The following FRMPD4 variants were observed in gnomAD, a reference collection of about 807,000 sequenced individuals.
FRMPD4 encodes FERM and PDZ domain containing 4.
A neutral mutation model predicts 94.1 loss-of-function variants in FRMPD4; 22 were observed. That is an observed-to-expected ratio of 0.23 (90% confidence interval 0.17 to 0.33). The LOEUF is 0.33. Among genes scored for constraint, FRMPD4 ranks in the 10% least tolerant of loss-of-function variants. The pLI is 1.00. For synonymous variants in FRMPD4, 631 were observed against 548.6 expected (o/e 1.15, Z -2.10); for missense variants, 1,111 against 1,339.9 (o/e 0.83, Z 2.67).
At chrX:12,522,594 C>CTT (rs373581040) in intron 2 of FRMPD4, among the ~76,000 whole-genome samples, 2,005 of 74,445 alleles carry the variant, frequency 0.027, 206 homozygotes, top group African/African-American at 0.099. Flanking sequence ...TTTTCTTTTC[C>CTT]TTTTTTTTTT....
At chrX:12,572,014 CA>C (rs1269019877) in intron 2 of FRMPD4, among the ~76,000 whole-genome samples, 1 of 112,039 alleles carries the variant, frequency 8.9e-6, no homozygotes, top group Non-Finnish European at 1.9e-5. Context: ...ATTTCTGAAG[CA>C]ATTTGCCTTC....
At chrX:12,013,870 A>G (rs1046576119) in intron 3 of FRMPD4, among the ~76,000 whole-genome samples, 8 of 113,317 alleles carry the variant, frequency 7.1e-5, no homozygotes, top group African/African-American at 2.2e-4. Flanking sequence ...TATATTCTTT[A>G]AGCCCATTAT....
intron 1 of FRMPD4, among the ~76,000 whole-genome samples, chrX:12,164,467 T>G (rs1265731411): frequency 8.9e-6 from 1 of 112,472 alleles, no homozygotes; most frequent in Non-Finnish European, 1.9e-5. Flanking sequence ...TTTGGGTTGG[T>G]TCCAAGTCTT....
chrX:12,239,404 T>G (rs2057104680), intron 1 of FRMPD4, among the ~76,000 whole-genome samples: 1 of 112,873 alleles, frequency 8.9e-6, no homozygotes, highest in Admixed American at 9.4e-5. Context: ...CTGAAGCAGT[T>G]TGTATGGTAT....
At chrX:11,900,063 G>A (rs1356264038) in intron 3 of FRMPD4, among the ~76,000 whole-genome samples, 3 of 111,967 alleles carry the variant, frequency 2.7e-5, no homozygotes, top group African/African-American at 9.8e-5. Flanking sequence ...TACTTGGATT[G>A]GTGGAGTTAT....
intron 1 of FRMPD4, among the ~76,000 whole-genome samples, chrX:12,170,443 A>G (rs929468300): frequency 9.0e-6 from 1 of 111,318 alleles, no homozygotes; most frequent in African/African-American, 3.3e-5. Flanking sequence ...TGCCCTGCAG[A>G]TGAGGAATGG....
chrX:12,046,866 C>T (rs909238597), intron 3 of FRMPD4, among the ~76,000 whole-genome samples: 1 of 111,096 alleles, frequency 9.0e-6, no homozygotes, highest in Non-Finnish European at 1.9e-5. Context: ...TGAACTTGAC[C>T]TTCAGTCTCT....
At chrX:12,455,920 G>A (rs762957491) in intron 1 of FRMPD4, among the ~76,000 whole-genome samples, 68 of 111,534 alleles carry the variant, frequency 6.1e-4, no homozygotes, top group African/African-American at 2.2e-3. Flanking sequence ...TCAGCCTCCC[G>A]AGTAGCTGGG....
chrX:12,231,030 GTATATATATATATATATAAAATATATA>G (rs1167630432), intron 1 of FRMPD4, among the ~76,000 whole-genome samples: 2 of 26,410 alleles, frequency 7.6e-5, no homozygotes, highest in Admixed American at 1.0e-3. Context: ...TATATATATA[GTATATATATATATATATAAAATATATA>G]TATATATATA....
At chrX:12,077,505 G>A (rs1601921826) in intron 3 of FRMPD4, among the ~76,000 whole-genome samples, 1 of 111,455 alleles carries the variant, frequency 9.0e-6, no homozygotes, top group South Asian at 3.8e-4. Flanking sequence ...TGAAACTCGT[G>A]CACCAGGGGT....
chrX:12,554,052 A>G (rs2058569298), intron 2 of FRMPD4, among the ~76,000 whole-genome samples: 2 of 83,974 alleles, frequency 2.4e-5, no homozygotes, highest in African/African-American at 8.1e-5. Context: ...CCCATTTTGT[A>G]TCCAGCCTAT....
At chrX:12,181,514 G>A (rs1276493164) in intron 1 of FRMPD4, among the ~76,000 whole-genome samples, 1 of 111,698 alleles carries the variant, frequency 9.0e-6, no homozygotes, top group Non-Finnish European at 1.9e-5. Flanking sequence ...TGCATGTAGA[G>A]AAATCCCAAC....
intron 2 of FRMPD4, among the ~76,000 whole-genome samples, chrX:12,549,065 T>C (rs940545540): frequency 5.4e-5 from 6 of 111,529 alleles, no homozygotes; most frequent in African/African-American, 1.6e-4. Flanking sequence ...TCTCCCCTCT[T>C]TTCTCAGGGT....
At position 12,502,388 on chromosome X, in the gene FRMPD4, T is replaced by A. The variant is rs768678779; in HGVS notation, c.158+3592T>A. 3.9e-4 allele frequency among the ~76,000 whole-genome samples: 43 copies of A among 111,373 alleles called. 1 individual carries two copies. The highest frequency in any genetic ancestry group is 1.4e-3 in the African/African-American group (42 of 30,651). ...TTCTCAGTTCCTTACTATTACCAGT[T>A]AAGAGAGAGCAGAGCAGGGGAAGGG... On this transcript the variant is annotated intron_variant, in intron 2 of 16. Coordinates refer to ENST00000675598, the MANE Select transcript of FRMPD4 (RefSeq NM_001368397.1).
chrX:12,088,091 G>C (rs2055125550), intron 3 of FRMPD4, among the ~76,000 whole-genome samples: 1 of 112,257 alleles, frequency 8.9e-6, no homozygotes, highest in African/African-American at 3.2e-5. Context: ...CTGGGCTCAC[G>C]TTCCCATCTT....
intron 1 of FRMPD4, among the ~76,000 whole-genome samples, chrX:11,844,833 A>G (rs1207938639): frequency 8.9e-6 from 1 of 111,821 alleles, no homozygotes; most frequent in African/African-American, 3.2e-5. Context: ...TGTTATGCAC[A>G]TATTTTTACA....
chrX:12,367,801 G>A (rs1324558699), intron 1 of FRMPD4, among the ~76,000 whole-genome samples: 1 of 111,426 alleles, frequency 9.0e-6, no homozygotes, highest in African/African-American at 3.3e-5. Context: ...TTTGTGGAAG[G>A]GATTTATCAT....
chrX:11,971,260 G>A (rs2054338734), intron 3 of FRMPD4, among the ~76,000 whole-genome samples: 1 of 112,278 alleles, frequency 8.9e-6, no homozygotes, highest in Non-Finnish European at 1.9e-5. Flanking sequence ...TTGCAGCAAT[G>A]CTTTTTGGGT....
chrX:12,643,588 A>G (rs2059519822), intron 4 of FRMPD4, among the ~76,000 whole-genome samples: 2 of 111,746 alleles, frequency 1.8e-5, no homozygotes, highest in South Asian at 7.6e-4. Context: ...GGTGTTAGAG[A>G]AAAGCTATGT....
Sources: allele counts gnomAD v4.1 joint callset (sites outside exome capture counted in the v4.1 genomes callset), GRCh38; gene constraint gnomAD v4.1.1; transcripts MANE v1.5; gene names NCBI Gene and HGNC (gene_info 2026-07-23, HGNC 2026-07-21).